The following SYNE2 variants were observed in gnomAD, a reference collection of about 807,000 sequenced individuals.
SYNE2 encodes the protein spectrin repeat containing nuclear envelope protein 2, also known as nesprin-2.
A neutral mutation model predicts 856.3 loss-of-function variants in SYNE2; 431 were observed. That is an observed-to-expected ratio of 0.50 (90% CI 0.47 to 0.55). The LOEUF (loss-of-function observed/expected upper bound fraction) is 0.55, where lower values mean the gene tolerates loss of function less well. Among genes scored for constraint, SYNE2 ranks in the 20% least tolerant of loss-of-function variants. The pLI is 0.00. For missense variants in SYNE2, 8,129 were observed against 8,023.2 expected (o/e 1.01, Z -0.50); for synonymous variants, 2,923 against 2,872.3 (o/e 1.02, Z -0.56).
chr14:64,084,112 CAG>C (rs2097543068), intron 57 of SYNE2: 2 of 152,006 alleles, frequency 1.3e-5, no homozygotes, highest in Non-Finnish European at 2.9e-5. Context: ...TTAGTAGAGA[CAG>C]GATTTCACCA....
chr14:63,979,625 G>A (rs1192396817), intron 14 of SYNE2, among the ~76,000 whole-genome samples: 1 of 152,204 alleles, frequency 6.6e-6, no homozygotes, highest in Non-Finnish European at 1.5e-5. Flanking sequence ...AGATGAGGTG[G>A]GGTGGGGCTG....
At chr14:64,173,151 G>A (rs2098418900) in intron 94 of SYNE2, among the ~76,000 whole-genome samples, 1 of 152,168 alleles carries the variant, frequency 6.6e-6, no homozygotes, top group Non-Finnish European at 1.5e-5. Context: ...GTGCGTTAGG[G>A]TAGAGAGACC....
Position 64,186,689 on chromosome 14 carries a change from A to G in SYNE2, c.17712+110A>G, listed in dbSNP as rs918517451. On this transcript the variant is annotated intron_variant, in intron 97 of 115. Coordinates refer to ENST00000555002, the MANE Select transcript of SYNE2 (RefSeq NM_182914.3). The stretch of plus-strand genomic sequence containing the variant: ...TTTCATTGAACCGGAGGCCCTTTTC[A>G]GTGGGACCCCTGGCCCGGCCGCTGC... 1.6e-5 allele frequency: 23 copies of G among 1,457,374 alleles called. No homozygotes were observed. In the East Asian group the frequency reaches 5.0e-4, roughly 32 times the overall value. 90.3% of individuals were successfully genotyped at this position (1,457,374 alleles called of 1,614,324 possible).
intron 43 of SYNE2, among the ~76,000 whole-genome samples, 185 bp from the exon 44 acceptor site, chr14:64,029,710 G>C (rs1306768925): frequency 1.3e-5 from 2 of 152,050 alleles, no homozygotes; most frequent in East Asian, 1.9e-4. Flanking sequence ...ATTTTTTTGC[G>C]GGGGAGATGG....
intron 77 of SYNE2, 89 bp downstream of exon 77, chr14:64,132,527 T>C: frequency 1.3e-6 from 2 of 1,516,706 alleles, no homozygotes; most frequent in Non-Finnish European, 9.1e-7. Context: ...TATCTAGTTA[T>C]CATTAAGCTA....
chr14:64,005,338 G>A lies in SYNE2; in HGVS notation c.4398-1705G>A, dbSNP rs193220337. 1.7e-4 allele frequency among the ~76,000 whole-genome samples: 26 copies of A among 152,320 alleles called. 1 individual carries two copies. The highest frequency in any genetic ancestry group is 8.5e-4 in the Admixed American group (13 of 15,302). ...AGTAATCCCTGGTAGGGATGAAGCT[G>A]GCATGGACCAGTGGTAATGTGGTAG... On this transcript the variant is annotated intron_variant, in intron 30 of 115. Coordinates refer to ENST00000555002, the MANE Select transcript of SYNE2 (RefSeq NM_182914.3).
intron 52 of SYNE2, among the ~76,000 whole-genome samples, chr14:64,073,158 C>G (rs1222263806): frequency 6.6e-6 from 1 of 152,120 alleles, no homozygotes; most frequent in East Asian, 1.9e-4. Flanking sequence ...CAACCTTCAG[C>G]TTCTGTCCCC....
chr14:64,166,079 A>G (rs902519695), intron 90 of SYNE2, among the ~76,000 whole-genome samples: 3 of 152,344 alleles, frequency 2.0e-5, no homozygotes, highest in African/African-American at 7.2e-5. Flanking sequence ...AGTTTAGTAA[A>G]CATAAATGAC....
At chr14:63,999,089 T>C in intron 27 of SYNE2, 49 bp downstream of exon 27, 1 of 1,571,492 alleles carries the variant, frequency 6.4e-7, no homozygotes, top group Non-Finnish European at 8.7e-7. Flanking sequence ...TATTAGAAAA[T>C]AGTACCACTG....
intron 1 of SYNE2, among the ~76,000 whole-genome samples, chr14:63,876,908 C>G (rs1031516619): frequency 6.6e-6 from 1 of 152,080 alleles, no homozygotes. Context: ...AACCACTGTC[C>G]GTGGATACTC....
intron 1 of SYNE2, among the ~76,000 whole-genome samples, chr14:63,826,291 A>G (rs1336315138): frequency 2.6e-5 from 4 of 152,008 alleles, no homozygotes; most frequent in African/African-American, 9.7e-5. Context: ...AAAAATCAGT[A>G]GAAAAACAAT....
At chr14:64,217,155 C>T (rs928213053) in intron 108 of SYNE2, among the ~76,000 whole-genome samples, 2 of 152,240 alleles carry the variant, frequency 1.3e-5, no homozygotes, top group Non-Finnish European at 2.9e-5. Context: ...TGAGGCACTT[C>T]GCCTTGCTTC....
intron 1 of SYNE2, among the ~76,000 whole-genome samples, chr14:63,785,736 G>T (rs910311400): frequency 2.6e-5 from 4 of 152,164 alleles, no homozygotes; most frequent in African/African-American, 7.2e-5. Flanking sequence ...TGAAGCTTTA[G>T]TGAAGCTTTT....
chr14:64,055,880 A>G, intron 48 of SYNE2, 64 bp from the exon 49 acceptor site: 1 of 1,313,988 alleles, frequency 7.6e-7, no homozygotes, highest in Non-Finnish European at 1.1e-6. Context: ...ACGAAAACTT[A>G]AGAATGACAG....
At chr14:63,902,936 C>T (rs549499280) in intron 1 of SYNE2, among the ~76,000 whole-genome samples, 18 of 152,184 alleles carry the variant, frequency 1.2e-4, no homozygotes, top group Admixed American at 2.6e-4. Context: ...CCTCTGGCTT[C>T]CTAAGTGCTG....
chr14:63,968,077 C>T (rs2096419722), intron 11 of SYNE2, among the ~76,000 whole-genome samples: 2 of 152,122 alleles, frequency 1.3e-5, no homozygotes, highest in South Asian at 4.1e-4. Context: ...GCAGGAGAAT[C>T]ACTTGAACCT....
chr14:63,797,561 C>T (rs1423335321), intron 1 of SYNE2, among the ~76,000 whole-genome samples: 3 of 151,726 alleles, frequency 2.0e-5, no homozygotes, highest in Non-Finnish European at 4.4e-5. Flanking sequence ...CCTGTCTCAG[C>T]CTTCTGAGTA....
chr14:64,118,777 C>G (rs1162170680), intron 66 of SYNE2, among the ~76,000 whole-genome samples: 1 of 150,600 alleles, frequency 6.6e-6, no homozygotes, highest in East Asian at 2.0e-4. Context: ...AGGAGAATTA[C>G]TTGAACCTGG....
intron 94 of SYNE2, among the ~76,000 whole-genome samples, chr14:64,170,748 C>A (rs561313383): frequency 6.6e-6 from 1 of 152,110 alleles, no homozygotes; most frequent in East Asian, 1.9e-4. Flanking sequence ...TTTAGGGCAA[C>A]AGACTCAAAC....
Sources: gnomAD v4.1 joint callset for allele counts (sites outside exome capture counted in the v4.1 genomes callset) on GRCh38, gnomAD v4.1.1 for gene constraint, MANE v1.5 for transcripts, NCBI Gene and HGNC (gene_info 2026-07-23, HGNC 2026-07-21) for gene names.